The following AGAP3 variants were observed in gnomAD, a reference collection of about 807,000 sequenced individuals.
AGAP3 encodes ArfGAP with GTPase domain, ankyrin repeat and PH domain 3, also known as arf-GAP with GTPase, ANK repeat and PH domain-containing protein 3.
A neutral mutation model predicts 96.9 loss-of-function variants in AGAP3; 24 were observed. That is an observed-to-expected ratio of 0.25 (90% CI 0.18 to 0.35). The LOEUF (loss-of-function observed/expected upper bound fraction) is 0.35, where lower values mean the gene tolerates loss of function less well. AGAP3 is among the 10% of genes least tolerant of loss of function. The pLI is 1.00. For synonymous variants in AGAP3, 563 were observed against 536.1 expected (o/e 1.05, Z -0.69); for missense variants, 876 against 1,254.2 (o/e 0.70, Z 4.55).
At chr7:151,129,807 C>T (rs746764375) in intron 10 of AGAP3, among the ~76,000 whole-genome samples, 47 of 152,076 alleles carry the variant, frequency 3.1e-4, no homozygotes, top group Non-Finnish European at 1.9e-4. Flanking sequence ...CAGAAAGTAT[C>T]GTAGGAGGCC....
In AGAP3 at chr7:151,141,535, C is replaced by A; in HGVS notation, c.1805-363C>A. Reference sequence around the variant, plus strand: ...TTCCCCCACCCTCTCCCAGTGTTTGCCTCCTAGCACCCCGTCACATCCTTC... The same window carrying A: ...TTCCCCCACCCTCTCCCAGTGTTTGACTCCTAGCACCCCGTCACATCCTTC... On this transcript the variant is annotated intron_variant, in intron 13 of 17. Coordinates refer to ENST00000397238, the MANE Select transcript of AGAP3 (RefSeq NM_031946.7). The surrounding 1 kb of genome is among the most constrained non-coding windows in gnomAD (Gnocchi z 4.2). 1 of 264,002 alleles carries A rather than the reference C, an allele frequency of 3.8e-6. No individual in the cohort carries two copies. Among genetic ancestry groups the A allele is most frequent in the Non-Finnish European group, 7.4e-6 (1 of 135,972 alleles). 16.4% of individuals were successfully genotyped at this position (264,002 alleles called of 1,614,324 possible). A position where few individuals can be genotyped will look rare whatever the true frequency, so the allele number is the denominator to read the frequency against.
intron 1 of AGAP3, among the ~76,000 whole-genome samples, chr7:151,109,410 C>A (rs1799192085): frequency 6.6e-6 from 1 of 152,132 alleles, no homozygotes; most frequent in Non-Finnish European, 1.5e-5. Flanking sequence ...AAGGTGTGGG[C>A]AAGGCCACGC....
In AGAP3 at chr7:151,123,981, G is replaced by C. The variant is rs1283216284; in HGVS notation, c.1221+95G>C. 7.0e-6 allele frequency: 9 copies of C among 1,291,584 alleles called. No homozygotes were observed. The East Asian group carries it at 7.4e-5, about 11-fold the overall frequency. The allele number at this position is 1,291,584 out of a possible 1,614,324, so 80.0% of individuals were successfully genotyped here. Reference sequence around the variant, plus strand: ...CTCTTCTCAGGCCTCTGTGATGGGGGAGATGGCATCAGAGGCCAGCACCAC... The same window carrying C: ...CTCTTCTCAGGCCTCTGTGATGGGGCAGATGGCATCAGAGGCCAGCACCAC... On this transcript the variant is annotated intron_variant, in intron 9 of 17. Transcript: ENST00000397238.
chr7:151,107,617 G>A (rs946573099), intron 1 of AGAP3, among the ~76,000 whole-genome samples: 4 of 151,900 alleles, frequency 2.6e-5, no homozygotes, highest in Non-Finnish European at 2.9e-5. Context: ...AAATGAGACC[G>A]TCTCAAAAAA....
In AGAP3 at chr7:151,142,772, G is replaced by C; in HGVS notation, c.2273+138G>C. 2.1e-6 allele frequency: 2 copies of C among 935,330 alleles called. No homozygotes were observed. The highest frequency in any genetic ancestry group is 3.2e-6 in the Non-Finnish European group (2 of 633,730). The allele number at this position is 935,330 out of a possible 1,614,324, so 57.9% of individuals were successfully genotyped here. On this transcript the variant is annotated intron_variant, in intron 16 of 17. Transcript: ENST00000397238. The surrounding 1 kb of genome is among the most constrained non-coding windows in gnomAD (Gnocchi z 7.5). ...TGCTCTGCTTGGCAGTTGGCCCCTT[G>C]GGGGTGCCCCTCCTGCTCTGGTGCC...
intron 8 of AGAP3, chr7:151,123,339 G>T (rs1230104778): frequency 9.6e-7 from 1 of 1,037,944 alleles, no homozygotes; most frequent in African/African-American, 1.7e-5. Flanking sequence ...TCCATCCACT[G>T]TGCCCCTTGG....
chr7:151,136,944 GGGCCTGGAGATGGAGACC>G, intron 11 of AGAP3, among the ~76,000 whole-genome samples: 1 of 152,352 alleles, frequency 6.6e-6, no homozygotes, highest in Non-Finnish European at 1.5e-5. Flanking sequence ...TGTTTCTTCG[GGGCCTGGAGATGGAGACC>G]GGCCTGTAGC....
At chr7:151,128,538 A>G in intron 9 of AGAP3, 42 bp from the exon 10 acceptor site, 2 of 1,570,362 alleles carry the variant, frequency 1.3e-6, no homozygotes, top group South Asian at 2.2e-5. Context: ...CCTATGACCT[A>G]GGGGGCTGGC....
At chr7:151,094,873 CCCTT>C (rs540835239) in intron 1 of AGAP3, among the ~76,000 whole-genome samples, 135 of 150,624 alleles carry the variant, frequency 9.0e-4, no homozygotes, top group African/African-American at 2.3e-3. Flanking sequence ...CTCCCTTCCT[CCCTT>C]CCTTCCTTCC....
Position 151,134,605 on chromosome 7 carries a change from C to T in AGAP3, c.1495+37C>T, listed in dbSNP as rs779502070. 36 of 1,561,048 alleles carry T rather than the reference C, an allele frequency of 2.3e-5. No homozygotes were observed. In the African/African-American group the frequency reaches 3.4e-4, roughly 15 times the overall value. ...GCTGAGGTGGGGGCCTGGGGGGTGG[C>T]TGCCTTGGAGCCAAGGCAAGCAGGC... On this transcript the variant is annotated intron_variant, in intron 11 of 17. Coordinates refer to ENST00000397238, the MANE Select transcript of AGAP3 (RefSeq NM_031946.7).
At chr7:151,117,922 T>G (rs766548330) in intron 5 of AGAP3, 145 bp downstream of exon 5, 73 of 1,218,034 alleles carry the variant, frequency 6.0e-5, no homozygotes, top group Non-Finnish European at 8.0e-5. Context: ...CTCTCCGTGC[T>G]GCTCGTGTCT....
At position 151,138,311 on chromosome 7, in the gene AGAP3, C is replaced by T; in HGVS notation, c.1664C>T (p.Pro555Leu). ...TCCCTGCCCCCAGGCATGCAGCACC[C>T]TGGTGAGTGGTGGCTCTGCTGCTTC... ...TTSLPPGMQH[P>L]ASGPAEVLSS... The change falls in exon 12 of 18, where the codon CCT becomes CTT. Residue 555 changes from proline to leucine, a missense_variant and splice_region_variant. Coordinates refer to ENST00000397238, the MANE Select transcript of AGAP3 (RefSeq NM_031946.7). 6.2e-7 allele frequency: 1 copy of T among 1,609,224 alleles called. No individual in the cohort carries two copies. Among genetic ancestry groups the T allele is most frequent in the Non-Finnish European group, 8.5e-7 (1 of 1,177,566 alleles).
rs372972213 is a variant in AGAP3 at position 151,142,213 on chromosome 7, C to T, written c.2010C>T (p.Thr670=). ...CTCTGGCTGTGCAGGCCGTCCGCAC[C>T]GTCCGCGGCAACAGCTTTTGTATCG... The part of the protein sequence containing the change: ...NAALAVQAVR[T]VRGNSFCIDC... The change falls in exon 15 of 18, where the codon ACC becomes ACT. Residue 670 remains threonine, a synonymous_variant. Coordinates refer to ENST00000397238, the MANE Select transcript of AGAP3 (RefSeq NM_031946.7). This position sits in a 1 kb window ranked among gnomAD's most constrained non-coding sequence, Gnocchi z 7.5. The T allele has an allele frequency of 3.0e-5, 49 of 1,613,652 alleles. No individual in the cohort carries two copies. In the East Asian group the frequency reaches 4.0e-4, roughly 13 times the overall value.
intron 11 of AGAP3, 27 bp from the exon 12 acceptor site, chr7:151,138,116 T>C: frequency 6.4e-7 from 1 of 1,552,578 alleles, no homozygotes; most frequent in Non-Finnish European, 8.8e-7. Flanking sequence ...CGGCCTCCCT[T>C]CCCAGTCTGA....
At position 151,096,287 on chromosome 7, in the gene AGAP3, G is replaced by T. The variant is rs1798601364; in HGVS notation, c.331+9215G>T. Among the ~76,000 whole-genome samples the T allele has an allele frequency of 6.6e-6, 1 of 152,188 alleles. No homozygotes were observed. The highest frequency in any genetic ancestry group is 2.1e-4 in the South Asian group (1 of 4,832). On this transcript the variant is annotated intron_variant, in intron 1 of 17. Coordinates refer to ENST00000397238, the MANE Select transcript of AGAP3 (RefSeq NM_031946.7). The surrounding 1 kb of genome is among the most constrained non-coding windows in gnomAD (Gnocchi z 4.4). Reference sequence around the variant, plus strand: ...AGCCTGAGAGCCCAGGTGGCAGAGTGTGGGGTACGTTGGTTTAGCTCATCC... The same window carrying T: ...AGCCTGAGAGCCCAGGTGGCAGAGTTTGGGGTACGTTGGTTTAGCTCATCC...
chr7:151,122,632 A>C, intron 8 of AGAP3: 8 of 1,462,000 alleles, frequency 5.5e-6, no homozygotes, highest in Non-Finnish European at 5.6e-6. Context: ...GCCGCTCCCC[A>C]GGCGCCTGGG....
In AGAP3 at chr7:151,123,874, C is replaced by T; in HGVS notation, c.1209C>T (p.Ile403=). Residue 403 remains isoleucine (I), a synonymous_variant, in exon 9 of 18, where the codon ATC becomes ATT. Transcript: ENST00000397238. ...KVDSIGSGRA[I]PIKQGILLKR... is the part of the protein sequence containing the mutation. The stretch of plus-strand genomic sequence containing the variant: ...ACAGCATCGGGAGCGGCCGCGCCAT[C>T]CCCATCAAGCAGGTCAGCGCCTCCC... 1 of 1,608,612 alleles carries T rather than the reference C, an allele frequency of 6.2e-7. No homozygotes were observed.
At chr7:151,107,665 A>G (rs1379735664) in intron 1 of AGAP3, among the ~76,000 whole-genome samples, 2 of 152,136 alleles carry the variant, frequency 1.3e-5, no homozygotes, top group East Asian at 3.8e-4. Flanking sequence ...ATACAAAGGC[A>G]AGTGGAAGGG....
intron 1 of AGAP3, among the ~76,000 whole-genome samples, chr7:151,113,033 C>T (rs1799365273): frequency 6.6e-6 from 1 of 152,178 alleles, no homozygotes; most frequent in African/African-American, 2.4e-5. Context: ...CGCGCCCGAC[C>T]CTTTGCTTGC....
Sources: gnomAD v4.1 joint callset for allele counts (sites outside exome capture counted in the v4.1 genomes callset) on GRCh38, gnomAD v4.1.1 for gene constraint, Gnocchi (gnomAD v3.1) non-coding constraint, MANE v1.5 for transcripts, NCBI Gene and HGNC (gene_info 2026-07-23, HGNC 2026-07-21) for gene names.